The following SYCP2L variants were observed in gnomAD, a reference collection of about 807,000 sequenced individuals.
SYCP2L encodes the protein synaptonemal complex protein 2-like.
In SYCP2L, 98 loss-of-function variants were observed where a neutral mutation model predicts 125.8. The observed-to-expected ratio is 0.78, with a 90% CI of 0.66 to 0.92. SYCP2L has a LOEUF of 0.92. Ranked by LOEUF, SYCP2L falls within the 40% of genes least tolerant of loss-of-function variation. The probability of loss-of-function intolerance (pLI) is 0.00; values close to 1 mark genes in which losing one functional copy is unlikely to be tolerated. For synonymous variants in SYCP2L, 317 were observed against 325.4 expected (o/e 0.97, Z 0.28); for missense variants, 842 against 936.4 (o/e 0.90, Z 1.32).
At chr6:10,913,410 G>A (rs1283011184) in intron 14 of SYCP2L, among the ~76,000 whole-genome samples, 1 of 152,202 alleles carries the variant, frequency 6.6e-6, no homozygotes, top group Non-Finnish European at 1.5e-5. Context: ...AGGCTCTCTT[G>A]TAACTAGTAG....
At chr6:10,955,529 G>A (rs1465193387) in intron 24 of SYCP2L, among the ~76,000 whole-genome samples, 2 of 152,186 alleles carry the variant, frequency 1.3e-5, no homozygotes, top group African/African-American at 4.8e-5. Flanking sequence ...AAATTTTTGT[G>A]TGAGAAATAT....
chr6:10,891,809 T>C (rs1780180323), intron 2 of SYCP2L, among the ~76,000 whole-genome samples: 1 of 152,204 alleles, frequency 6.6e-6, no homozygotes, highest in South Asian at 2.1e-4. Flanking sequence ...TTACTATATC[T>C]AGTCAATTTA....
intron 21 of SYCP2L, among the ~76,000 whole-genome samples, chr6:10,939,731 G>C (rs1182336741): frequency 6.6e-6 from 1 of 152,146 alleles, no homozygotes; most frequent in African/African-American, 2.4e-5. Flanking sequence ...ACTCAAAATA[G>C]GTTAAGACTT....
At chr6:10,956,283 T>A in intron 25 of SYCP2L, 41 bp downstream of exon 25, 16 of 1,362,574 alleles carry the variant, frequency 1.2e-5, no homozygotes, top group South Asian at 2.4e-5. Flanking sequence ...GCGTTATGAA[T>A]CTGGAGGACA....
intron 26 of SYCP2L, among the ~76,000 whole-genome samples, chr6:10,959,794 G>C (rs1051427507): frequency 2.0e-5 from 3 of 151,596 alleles, no homozygotes; most frequent in African/African-American, 7.3e-5. Flanking sequence ...GCTTGAACTC[G>C]GGAGGCGGAG....
intron 20 of SYCP2L, among the ~76,000 whole-genome samples, 174 bp from the exon 21 acceptor site, chr6:10,934,884 T>A (rs1256044142): frequency 6.6e-6 from 1 of 152,184 alleles, no homozygotes; most frequent in Non-Finnish European, 1.5e-5. Context: ...TAAGCTAATA[T>A]CCACCCCTCA....
Position 10,958,096 on chromosome 6 carries a change from C to T in SYCP2L, c.2164-688C>T, listed in dbSNP as rs76148083. On this transcript the variant is annotated intron_variant, in intron 25 of 29. Transcript: ENST00000283141. ...CTCCAGAGTCTTATTTTCTGTGATACCAATGTAAGCCAATTAGTAATAGAA... is the reference window on the plus strand; with the variant it reads ...CTCCAGAGTCTTATTTTCTGTGATATCAATGTAAGCCAATTAGTAATAGAA... Among the ~76,000 whole-genome samples the T allele has an allele frequency of 9.9e-3, 1,514 of 152,170 alleles. 12 individuals carry two copies. The highest frequency in any genetic ancestry group is 0.017 in the Middle Eastern group (5 of 294).
Position 10,926,362 on chromosome 6 carries a change from C to A in SYCP2L, c.1242C>A (p.Ile414=), listed in dbSNP as rs1280777863. 2 of 1,613,414 alleles carry A rather than the reference C, an allele frequency of 1.2e-6. No individual in the cohort carries two copies. The highest frequency in any genetic ancestry group is 1.7e-6 in the Non-Finnish European group (2 of 1,179,642). Residue 414 remains isoleucine (I), a synonymous_variant, in exon 16 of 30, where the codon ATC becomes ATA. Transcript: ENST00000283141. ...AGATGTTGCCTGACCAGACGAAAAT[C>A]TCCTCAGAACTTTTTAGTAAGTCTG... ...DKQMLPDQTK[I]SSELFSKSDK...
intron 21 of SYCP2L, among the ~76,000 whole-genome samples, chr6:10,936,586 TAA>T (rs1251635697): frequency 1.3e-5 from 2 of 152,152 alleles, no homozygotes; most frequent in Non-Finnish European, 2.9e-5. Context: ...ATGGCAATAC[TAA>T]GTTTTTACCT....
At chr6:10,948,509 A>T (rs1781355413) in intron 23 of SYCP2L, among the ~76,000 whole-genome samples, 1 of 152,150 alleles carries the variant, frequency 6.6e-6, no homozygotes, top group Non-Finnish European at 1.5e-5. Flanking sequence ...TTAATATGAC[A>T]AATTATATCA....
chr6:10,955,070 C>A, intron 23 of SYCP2L, 46 bp from the exon 24 acceptor site: 1 of 1,391,418 alleles, frequency 7.2e-7, no homozygotes, highest in Non-Finnish European at 1.0e-6. Context: ...AAAAAATGAA[C>A]AAGATAATTT....
Position 10,958,828 on chromosome 6 carries a change from A to G in SYCP2L, c.2208A>G (p.Lys736=). 1.2e-6 allele frequency: 2 copies of G among 1,613,806 alleles called. No individual in the cohort carries two copies. The highest frequency in any genetic ancestry group is 1.7e-6 in the Non-Finnish European group (2 of 1,179,942). Residue 736 remains lysine, a synonymous_variant, in exon 26 of 30, where the codon AAA becomes AAG. Transcript: ENST00000283141. ...CGTTTAATTCAGAAAATGCAAAGAA[A>G]GCACCGGATTGCCTAATAAAACTTT... ...KRPFNSENAK[K]APDCLIKLLN... is the part of the protein sequence containing the mutation.
intron 1 of SYCP2L, among the ~76,000 whole-genome samples, chr6:10,888,042 A>G (rs1326228530): frequency 2.2e-5 from 3 of 134,044 alleles, no homozygotes; most frequent in African/African-American, 8.2e-5. Flanking sequence ...CCTCACTCCA[A>G]TCCTTCCATA....
At chr6:10,969,358 C>CTT (rs534262433) in intron 29 of SYCP2L, among the ~76,000 whole-genome samples, 48 of 105,024 alleles carry the variant, frequency 4.6e-4, no homozygotes, top group African/African-American at 9.3e-4. Context: ...AGGAAATTAT[C>CTT]TTTTTTTTTT....
chr6:10,944,961 G>A, intron 23 of SYCP2L, among the ~76,000 whole-genome samples: 1 of 152,154 alleles, frequency 6.6e-6, no homozygotes, highest in Non-Finnish European at 1.5e-5. Flanking sequence ...TGATCTGCCT[G>A]CCTCGGCCTC....
intron 10 of SYCP2L, among the ~76,000 whole-genome samples, chr6:10,908,374 G>A (rs1313062801): frequency 1.3e-5 from 2 of 152,202 alleles, no homozygotes; most frequent in Non-Finnish European, 2.9e-5. Flanking sequence ...ACATGGCCTG[G>A]CAGAAGAGTA....
At chr6:10,926,459 AC>A (rs1780899165) in intron 16 of SYCP2L, 27 bp downstream of exon 16, 1 of 1,564,792 alleles carries the variant, frequency 6.4e-7, no homozygotes, top group Non-Finnish European at 8.8e-7. Context: ...CAAAATTCTG[AC>A]CCTGAGTTTT....
intron 14 of SYCP2L, chr6:10,922,734 T>C (rs759856738): frequency 3.3e-5 from 5 of 152,136 alleles, no homozygotes; most frequent in Non-Finnish European, 5.9e-5. Context: ...AAGATTAGTA[T>C]TTTGGGGAGA....
At chr6:10,892,523 T>C (rs1007809927) in intron 2 of SYCP2L, among the ~76,000 whole-genome samples, 1 of 152,204 alleles carries the variant, frequency 6.6e-6, no homozygotes, top group African/African-American at 2.4e-5. Flanking sequence ...GATGTCAAAC[T>C]TCTGGGCTTA....
Sources: allele counts gnomAD v4.1 joint callset (sites outside exome capture counted in the v4.1 genomes callset), GRCh38; gene constraint gnomAD v4.1.1; transcripts MANE v1.5; gene names NCBI Gene and HGNC (gene_info 2026-07-23, HGNC 2026-07-21).